Variants in FBLN1 observed in about 807,000 individuals in gnomAD.
FBLN1 encodes the protein fibulin-1.
Under a neutral mutation model 89.7 loss-of-function variants are expected in FBLN1, and 34 were observed. The ratio of observed to expected loss-of-function variants is 0.38; its 90% CI spans 0.29 to 0.50. The LOEUF (loss-of-function observed/expected upper bound fraction) is 0.50. Among genes scored for constraint, FBLN1 ranks in the 20% least tolerant of loss-of-function variants. The probability of loss-of-function intolerance (pLI) is 0.92; values close to 1 mark genes in which losing one functional copy is unlikely to be tolerated. For missense variants in FBLN1, 777 were observed against 988.1 expected (o/e 0.79, Z 2.86); for synonymous variants, 393 against 391.3 (o/e 1.00, Z -0.05).
At chr22:45,582,282 CG>C (rs1411961462) in intron 16 of FBLN1, among the ~76,000 whole-genome samples, 1 of 152,190 alleles carries the variant, frequency 6.6e-6, no homozygotes, top group Non-Finnish European at 1.5e-5. Flanking sequence ...GAGTCCCAGC[CG>C]TAGAGGATAA....
rs142302254 is a variant in FBLN1, at chr22:45,542,237, A to G, written c.1149A>G (p.Glu383=). 5 of 1,614,022 alleles carry G rather than the reference A, an allele frequency of 3.1e-6. No individual in the cohort carries two copies. The African/African-American group carries it at 6.7e-5, about 22-fold the overall frequency. The change falls in exon 10 of 17, where the codon GAA becomes GAG. Residue 383 remains glutamate, a synonymous_variant. Coordinates refer to ENST00000327858, the MANE Select transcript of FBLN1 (RefSeq NM_006486.3). ...ACTCTCCCGGCAGTTTCCGCTGCGAATGCAAGACGGGTTACTATTTTGACG... is the reference window on the plus strand; with the variant it reads ...ACTCTCCCGGCAGTTTCCGCTGCGAGTGCAAGACGGGTTACTATTTTGACG... The part of the protein sequence containing the change: ...CVNSPGSFRC[E]CKTGYYFDGI...
At position 45,574,891 on chromosome 22, in the gene FBLN1, C is replaced by T. The variant is rs1382989737; in HGVS notation, c.1840+238C>T. Among the ~76,000 whole-genome samples, 1 of 150,888 alleles carries T rather than the reference C, an allele frequency of 6.6e-6. No homozygotes were observed. The highest frequency in any genetic ancestry group is 1.5e-5 in the Non-Finnish European group (1 of 67,892). On this transcript the variant is annotated intron_variant, in intron 15 of 16. Transcript: ENST00000327858. This position sits in a 1 kb window ranked among gnomAD's most constrained non-coding sequence, Gnocchi z 4.1. ...CCACCTCCCGGGTTCACGCCATTCT[C>T]CTGCCTCAGCCTTCCGAGTAGCTGG...
chr22:45,563,476 G>C lies in FBLN1; in HGVS notation c.1698-11035G>C. The C allele has an allele frequency of 9.6e-7, 1 of 1,040,078 alleles. No homozygotes were observed. Among genetic ancestry groups the C allele is most frequent in the Non-Finnish European group, 1.4e-6 (1 of 733,672 alleles). 64.4% of individuals were successfully genotyped at this position (1,040,078 alleles called of 1,614,324 possible). On this transcript the variant is annotated intron_variant, in intron 14 of 16. Transcript: ENST00000327858. This position sits in a 1 kb window ranked among gnomAD's most constrained non-coding sequence, Gnocchi z 5.7. ...TACCCCCGAGGGCTGACTGAGGAGC[G>C]CTCCCCACTAGAGGGTGTGTGCTCG...
intron 2 of FBLN1, among the ~76,000 whole-genome samples, chr22:45,519,565 A>T (rs542762704): frequency 6.7e-6 from 1 of 149,888 alleles, no homozygotes; most frequent in Non-Finnish European, 1.5e-5. Flanking sequence ...CGGAGGCTGC[A>T]GTGAGCTGAG....
chr22:45,590,629 G>A lies in FBLN1; in HGVS notation c.1973-9678G>A, dbSNP rs2089128074. 6.6e-6 allele frequency among the ~76,000 whole-genome samples: 1 copy of A among 152,198 alleles called. No homozygotes were observed. The highest frequency in any genetic ancestry group is 1.5e-5 in the Non-Finnish European group (1 of 68,052). On this transcript the variant is annotated intron_variant, in intron 16 of 16. Coordinates refer to ENST00000327858, the MANE Select transcript of FBLN1 (RefSeq NM_006486.3). The surrounding 1 kb of genome is among the most constrained non-coding windows in gnomAD (Gnocchi z 4.1). ...AGGTGGTACACGTGTTCAGGTAGATGCGACGAGGCCGGAACTGAGGCCAGG... is the reference window on the plus strand; with the variant it reads ...AGGTGGTACACGTGTTCAGGTAGATACGACGAGGCCGGAACTGAGGCCAGG...
intron 16 of FBLN1, among the ~76,000 whole-genome samples, chr22:45,589,598 A>T (rs891838522): frequency 6.6e-6 from 1 of 152,082 alleles, no homozygotes; most frequent in African/African-American, 2.4e-5. Context: ...TGGCTCATTC[A>T]TGGCGCCTCT....
At chr22:45,542,611 G>A (rs1445565181) in intron 10 of FBLN1, among the ~76,000 whole-genome samples, 9 of 152,190 alleles carry the variant, frequency 5.9e-5, no homozygotes, top group Admixed American at 5.9e-4. Context: ...GAGATTCACC[G>A]CTGAGCTGTA....
Position 45,503,018 on chromosome 22 carries a change from G to C in FBLN1, c.33G>C (p.Pro11=), listed in dbSNP as rs1221070893. 2.4e-6 allele frequency: 3 copies of C among 1,245,950 alleles called. No individual in the cohort carries two copies. Among genetic ancestry groups the C allele is most frequent in the East Asian group, 3.3e-5 (1 of 30,478 alleles). The allele number at this position is 1,245,950 out of a possible 1,614,324, so 77.2% of individuals were successfully genotyped here. The change falls in exon 1 of 17, where the codon CCG becomes CCC. Residue 11 remains proline, a synonymous_variant. Coordinates refer to ENST00000327858, the MANE Select transcript of FBLN1 (RefSeq NM_006486.3). MERAAPSRRV[P]LPLLLLGGLA... ...GCGCCGCGCCGTCGCGCCGGGTCCC[G>C]CTTCCGCTGCTGCTGCTCGGCGGCC... is the stretch of plus-strand genomic sequence containing the variant.
intron 16 of FBLN1, among the ~76,000 whole-genome samples, chr22:45,591,241 T>C (rs552745169): frequency 6.6e-6 from 1 of 152,114 alleles, no homozygotes; most frequent in East Asian, 1.9e-4. Context: ...CCAAATTTTC[T>C]CCCCGGTGAG....
In FBLN1 at chr22:45,536,929, G is replaced by A. The variant is rs778944005; in HGVS notation, c.922+1592G>A. On this transcript the variant is annotated intron_variant, in intron 8 of 16. Coordinates refer to ENST00000327858, the MANE Select transcript of FBLN1 (RefSeq NM_006486.3). The surrounding 1 kb of genome is among the most constrained non-coding windows in gnomAD (Gnocchi z 5.1). ...GGGAGCTGGCCGGCCTGGGTTACTG[G>A]TTCTGGAAAGACAGGAGGTGAGTCC... Among the ~76,000 whole-genome samples the A allele has an allele frequency of 1.5e-4, 23 of 152,234 alleles. No individual in the cohort carries two copies. The highest frequency in any genetic ancestry group is 2.9e-4 in the Non-Finnish European group (20 of 68,040).
At chr22:45,548,574 G>T in intron 12 of FBLN1, 39 bp from the exon 13 acceptor site, 3 of 1,612,444 alleles carry the variant, frequency 1.9e-6, no homozygotes, top group Non-Finnish European at 2.5e-6. Context: ...ATGGCCAGGT[G>T]CCAGGACACT....
chr22:45,589,792 C>G (rs1325054005), intron 16 of FBLN1, among the ~76,000 whole-genome samples: 2 of 151,986 alleles, frequency 1.3e-5, no homozygotes, highest in African/African-American at 2.4e-5. Context: ...CTGAGAGCAC[C>G]AAGCTGCCTC....
chr22:45,542,272 G>A lies in FBLN1; in HGVS notation c.1184G>A (p.Arg395Lys), dbSNP rs1354120422. The A allele has an allele frequency of 6.2e-7, 1 of 1,613,962 alleles. No homozygotes were observed. Among genetic ancestry groups the A allele is most frequent in the African/African-American group, 1.3e-5 (1 of 75,076 alleles). The change falls in exon 10 of 17, where the codon AGG (arginine) becomes AAG (lysine). Residue 395 changes from arginine (R) to lysine (K), a missense_variant. Coordinates refer to ENST00000327858, the MANE Select transcript of FBLN1 (RefSeq NM_006486.3). ...KTGYYFDGISRMCVDVNECQR... is the reference protein window; with the variant it reads ...KTGYYFDGISKMCVDVNECQR... ...GGTTACTATTTTGACGGCATCAGCA[G>A]GATGTGTGTCGGTGCGTGGGGGGCC...
Position 45,588,864 on chromosome 22 carries a change from C to G in FBLN1, c.1973-11443C>G, listed in dbSNP as rs1466189075. Among the ~76,000 whole-genome samples, 1 of 151,010 alleles carries G rather than the reference C, an allele frequency of 6.6e-6. No homozygotes were observed. The highest frequency in any genetic ancestry group is 2.4e-5 in the African/African-American group (1 of 41,052). ...TGATATGAATCTTTTGGCGGCCTCTCCTAACCGTCTTTAAATCTGCGAAAG... is the reference window on the plus strand; with the variant it reads ...TGATATGAATCTTTTGGCGGCCTCTGCTAACCGTCTTTAAATCTGCGAAAG... On this transcript the variant is annotated intron_variant, in intron 16 of 16. Transcript: ENST00000327858. This position sits in a 1 kb window ranked among gnomAD's most constrained non-coding sequence, Gnocchi z 5.1.
intron 1 of FBLN1, among the ~76,000 whole-genome samples, chr22:45,510,436 C>T (rs5765438): frequency 6.6e-6 from 1 of 152,166 alleles, no homozygotes; most frequent in Non-Finnish European, 1.5e-5. Flanking sequence ...GAGGCCCGGA[C>T]TTGCTCCGGG....
rs745689746 is a variant in FBLN1, at chr22:45,562,944, G to A, written c.1698-11567G>A. On this transcript the variant is annotated intron_variant, in intron 14 of 16. Transcript: ENST00000327858. The surrounding 1 kb of genome is among the most constrained non-coding windows in gnomAD (Gnocchi z 7.8). ...GAGCGCTTGCCTTGCCATGAGAATC[G>A]GGAGTGCTCCAAGCTGCCTCTGAGA... 7.4e-6 allele frequency: 12 copies of A among 1,613,988 alleles called. No homozygotes were observed. The highest frequency in any genetic ancestry group is 1.3e-5 in the African/African-American group (1 of 75,024).
chr22:45,525,738 C>G, intron 3 of FBLN1, 60 bp downstream of exon 3: 1 of 1,549,000 alleles, frequency 6.5e-7, no homozygotes, highest in South Asian at 1.2e-5. Context: ...AGACCCAGGC[C>G]CTCCCAGCCA....
At chr22:45,506,285 C>A (rs1186580936) in intron 1 of FBLN1, among the ~76,000 whole-genome samples, 4 of 152,208 alleles carry the variant, frequency 2.6e-5, no homozygotes, top group Admixed American at 2.6e-4. Context: ...ACTGAATTTC[C>A]CAGCCAGGCG....
At chr22:45,540,502 C>T (rs1346302401) in intron 8 of FBLN1, among the ~76,000 whole-genome samples, 2 of 152,158 alleles carry the variant, frequency 1.3e-5, no homozygotes, top group African/African-American at 2.4e-5. Context: ...TCTCTTTGTT[C>T]CCCCATACCA....
Sources: allele counts gnomAD v4.1 joint callset (sites outside exome capture counted in the v4.1 genomes callset), GRCh38; gene constraint gnomAD v4.1.1; non-coding constraint Gnocchi (gnomAD v3.1); transcripts MANE v1.5; gene names NCBI Gene and HGNC (gene_info 2026-07-23, HGNC 2026-07-21).